The following TNNI3K variants were observed in gnomAD, a reference collection of about 807,000 sequenced individuals.
The protein encoded by TNNI3K is TNNI3 interacting kinase.
Under a neutral mutation model 114.5 loss-of-function variants are expected in TNNI3K, and 140 were observed. That is an observed-to-expected ratio of 1.22 (90% CI 1.07 to 1.41). TNNI3K has a LOEUF of 1.41. TNNI3K is among the 40% of genes most tolerant of loss of function. The pLI is 0.00. For missense variants in TNNI3K, 1,125 were observed against 1,007.6 expected (o/e 1.12, Z -1.58); for synonymous variants, 347 against 347.5 (o/e 1.00, Z 0.02).
intron 23 of TNNI3K, among the ~76,000 whole-genome samples, chr1:74,501,347 G>C (rs914802563): frequency 6.6e-6 from 1 of 152,038 alleles, no homozygotes; most frequent in South Asian, 2.1e-4. Context: ...TTTTACAGGA[G>C]AGTTTAAAAA....
chr1:74,253,808 C>T (rs1468548249), intron 4 of TNNI3K, among the ~76,000 whole-genome samples: 14 of 152,304 alleles, frequency 9.2e-5, no homozygotes, highest in Admixed American at 4.6e-4. Flanking sequence ...AGTGCAGCAG[C>T]GGGCTGAAGG....
intron 20 of TNNI3K, among the ~76,000 whole-genome samples, chr1:74,447,488 A>G (rs1666757202): frequency 7.2e-6 from 1 of 138,384 alleles, no homozygotes; most frequent in African/African-American, 3.1e-5. Flanking sequence ...ACATTTATGC[A>G]GCCAAAAAAC....
chr1:74,371,552 T>C (rs887098096), intron 17 of TNNI3K: 6 of 151,790 alleles, frequency 4.0e-5, no homozygotes, highest in Non-Finnish European at 8.8e-5. Context: ...GAGCATCCTA[T>C]AGGCTTAGGG....
intron 11 of TNNI3K, among the ~76,000 whole-genome samples, chr1:74,360,088 A>G (rs371186845): frequency 6.6e-6 from 1 of 151,854 alleles, no homozygotes; most frequent in South Asian, 2.1e-4. Context: ...TTTTTAATCC[A>G]TCCTTTTTTC....
rs199910512 is a variant in TNNI3K at position 74,544,399 on chromosome 1, T to C, written c.*417T>C. 6 of 154,776 alleles carry C rather than the reference T, an allele frequency of 3.9e-5. No individual in the cohort carries two copies. The highest frequency in any genetic ancestry group is 7.1e-5 in the Non-Finnish European group (5 of 69,952). The allele number at this position is 154,776 out of a possible 1,614,324, so 9.6% of individuals were successfully genotyped here. A position where few individuals can be genotyped will look rare whatever the true frequency, so the allele number is the denominator to read the frequency against. On this transcript the variant is annotated 3_prime_UTR_variant, in exon 25 of 25. Transcript: ENST00000326637. ...ATGTTACTTCTAGTGTTCACCTCTG[T>C]GATTAAAGATTCTTTGGTGAAATAG...
chr1:74,480,956 G>A (rs572002800), intron 21 of TNNI3K: 3 of 713,896 alleles, frequency 4.2e-6, no homozygotes, highest in East Asian at 2.7e-5. Context: ...AACCCTCGTG[G>A]TCATAGGGGC....
chr1:74,260,198 A>G (rs886977147), intron 4 of TNNI3K, among the ~76,000 whole-genome samples: 3 of 152,010 alleles, frequency 2.0e-5, no homozygotes, highest in Admixed American at 1.3e-4. Flanking sequence ...TGTAGCACTT[A>G]TAATTATTTA....
At chr1:74,494,591 A>G (rs967155007) in intron 23 of TNNI3K, among the ~76,000 whole-genome samples, 4 of 152,096 alleles carry the variant, frequency 2.6e-5, no homozygotes, top group Admixed American at 1.3e-4. Flanking sequence ...TTTTAAAGCT[A>G]TTTCTCTGAA....
intron 19 of TNNI3K, among the ~76,000 whole-genome samples, chr1:74,437,298 A>G (rs1666179198): frequency 6.6e-6 from 1 of 152,044 alleles, no homozygotes; most frequent in African/African-American, 2.4e-5. Flanking sequence ...ATAGGCTTCT[A>G]ACTCCAGTCC....
At chr1:74,312,855 A>G (rs1659071813) in intron 5 of TNNI3K, among the ~76,000 whole-genome samples, 1 of 152,134 alleles carries the variant, frequency 6.6e-6, no homozygotes, top group Non-Finnish European at 1.5e-5. Flanking sequence ...ATTTCCTACA[A>G]TACTGCTACT....
intron 23 of TNNI3K, among the ~76,000 whole-genome samples, chr1:74,524,857 C>T (rs45581040): frequency 1.3e-5 from 2 of 152,064 alleles, no homozygotes; most frequent in African/African-American, 4.8e-5. Flanking sequence ...GAGATGCATG[C>T]CACTGCAGGG....
intron 17 of TNNI3K, among the ~76,000 whole-genome samples, chr1:74,399,365 A>G (rs1198574411): frequency 1.3e-5 from 2 of 152,090 alleles, no homozygotes; most frequent in Non-Finnish European, 2.9e-5. Flanking sequence ...AAGAAATTAT[A>G]TACTGGACCT....
rs45594733 is a variant in TNNI3K, at chr1:74,491,980, T to A, written c.2182-117T>A. 2.5e-3 allele frequency: 3,334 copies of A among 1,345,546 alleles called. 35 individuals are homozygous for A. The African/African-American group carries it at 0.028, about 11-fold the overall frequency. The allele number at this position is 1,345,546 out of a possible 1,614,324, so 83.4% of individuals were successfully genotyped here. ...AAGGAAAAGCCAGGAGCAAGCTGAG[T>A]GAATAGAAATTAAAATATGGGAAAC... is the stretch of plus-strand genomic sequence containing the variant. On this transcript the variant is annotated intron_variant, in intron 22 of 24. Coordinates refer to ENST00000326637, the MANE Select transcript of TNNI3K (RefSeq NM_015978.3).
intron 20 of TNNI3K, among the ~76,000 whole-genome samples, chr1:74,453,410 A>G (rs1020924528): frequency 6.6e-6 from 1 of 152,206 alleles, no homozygotes; most frequent in Non-Finnish European, 1.5e-5. Flanking sequence ...GCAATAAATT[A>G]TGTGAAGCAT....
At chr1:74,471,745 G>A (rs1424943071) in intron 21 of TNNI3K, 1 of 403,466 alleles carries the variant, frequency 2.5e-6, no homozygotes, top group African/African-American at 2.1e-5. Context: ...GGTTTTTGTT[G>A]ATAATCCTGA....
chr1:74,250,551 C>T (rs563435101), intron 3 of TNNI3K, 121 bp from the exon 4 acceptor site: 29 of 786,232 alleles, frequency 3.7e-5, no homozygotes, highest in Middle Eastern at 4.9e-4. Flanking sequence ...TTACAAATGG[C>T]CTGCAGAACG....
At chr1:74,369,772 T>C (rs1662497512) in intron 16 of TNNI3K, 187 bp downstream of exon 16, 2 of 621,324 alleles carry the variant, frequency 3.2e-6, no homozygotes, top group Non-Finnish European at 4.7e-6. Context: ...AGAAATACTT[T>C]ATGCTTTCTT....
intron 17 of TNNI3K, among the ~76,000 whole-genome samples, chr1:74,396,581 G>A (rs1470290867): frequency 6.6e-6 from 1 of 152,200 alleles, no homozygotes; most frequent in African/African-American, 2.4e-5. Context: ...GGACAGCCAT[G>A]ACCATTTGGG....
intron 23 of TNNI3K, among the ~76,000 whole-genome samples, chr1:74,537,760 G>A (rs951426931): frequency 3.9e-5 from 6 of 152,162 alleles, no homozygotes; most frequent in African/African-American, 7.2e-5. Context: ...GAATTATCAC[G>A]TTCTAGAGGG....
Sources: gnomAD v4.1 joint callset for allele counts (sites outside exome capture counted in the v4.1 genomes callset) on GRCh38, gnomAD v4.1.1 for gene constraint, MANE v1.5 for transcripts, NCBI Gene and HGNC (gene_info 2026-07-23, HGNC 2026-07-21) for gene names.